Variants in SLC25A12 observed in about 807,000 individuals in gnomAD.
SLC25A12 encodes electrogenic aspartate/glutamate antiporter SLC25A12, mitochondrial.
Under a neutral mutation model 83.3 loss-of-function variants are expected in SLC25A12, and 32 were observed. The observed-to-expected ratio is 0.38, with a 90% confidence interval of 0.29 to 0.52. The LOEUF is 0.52. Among genes scored for constraint, SLC25A12 ranks in the 20% least tolerant of loss-of-function variants. The probability of loss-of-function intolerance (pLI) is 0.84; values close to 1 mark genes in which losing one functional copy is unlikely to be tolerated. For synonymous variants in SLC25A12, 267 were observed against 291.1 expected (o/e 0.92, Z 0.84); for missense variants, 611 against 835.6 (o/e 0.73, Z 3.31).
intron 12 of SLC25A12, 88 bp downstream of exon 12, chr2:171,810,136 T>A: frequency 8.9e-7 from 1 of 1,118,142 alleles, no homozygotes; most frequent in Non-Finnish European, 1.4e-6. Flanking sequence ...ATTATAGGCA[T>A]GAGCTACCAC....
intron 13 of SLC25A12, among the ~76,000 whole-genome samples, chr2:171,797,846 T>G (rs1036093801): frequency 2.0e-5 from 3 of 152,202 alleles, no homozygotes; most frequent in Non-Finnish European, 4.4e-5. Flanking sequence ...ATTGCTAAAT[T>G]TGGCATCTTG....
intron 17 of SLC25A12, among the ~76,000 whole-genome samples, chr2:171,786,403 A>AAG (rs1198385556): frequency 0.013 from 1,903 of 146,246 alleles, 40 homozygotes; most frequent in African/African-American, 0.041. Context: ...AAAAAAAAAA[A>AAG]AGAGAGAGAG....
intron 2 of SLC25A12, among the ~76,000 whole-genome samples, chr2:171,885,363 G>C (rs1374653348): frequency 1.3e-5 from 2 of 150,234 alleles, no homozygotes; most frequent in African/African-American, 4.9e-5. Flanking sequence ...ACTCTATATA[G>C]TTTATGTTAA....
intron 14 of SLC25A12, among the ~76,000 whole-genome samples, chr2:171,792,386 C>G (rs1253974157): frequency 6.6e-6 from 1 of 151,488 alleles, no homozygotes; most frequent in Admixed American, 6.6e-5. Flanking sequence ...CGTCTGAGCT[C>G]AAGTGATCCT....
In SLC25A12 at chr2:171,784,443, C is replaced by A. The variant is rs1463560407; in HGVS notation, c.*831G>T. The A allele has an allele frequency of 6.6e-6, 1 of 152,258 alleles. No individual in the cohort carries two copies. Among genetic ancestry groups the A allele is most frequent in the Non-Finnish European group, 1.5e-5 (1 of 68,048 alleles). The allele number at this position is 152,258 out of a possible 1,614,324, so 9.4% of individuals were successfully genotyped here. On this transcript the variant is annotated 3_prime_UTR_variant, in exon 18 of 18. Coordinates refer to ENST00000422440, the MANE Select transcript of SLC25A12 (RefSeq NM_003705.5). ...AGGGAAATTGTGAAAGTATCCTTTA[C>A]TCTTTTGAAAGCTTGGCCTTTGCCT...
chr2:171,858,495 T>C (rs1685089010), intron 3 of SLC25A12, among the ~76,000 whole-genome samples: 1 of 152,238 alleles, frequency 6.6e-6, no homozygotes, highest in African/African-American at 2.4e-5. Flanking sequence ...TCATGCTCAG[T>C]AGTAAAACCT....
intron 13 of SLC25A12, among the ~76,000 whole-genome samples, chr2:171,801,952 CAGAA>C: frequency 7.2e-6 from 1 of 138,888 alleles, no homozygotes; most frequent in South Asian, 2.3e-4. Context: ...TGTGTGTGTA[CAGAA>C]AGACAGAAAT....
At chr2:171,886,392 C>G (rs1175364537) in intron 2 of SLC25A12, among the ~76,000 whole-genome samples, 1 of 151,360 alleles carries the variant, frequency 6.6e-6, no homozygotes, top group East Asian at 1.9e-4. Context: ...CCACCACACC[C>G]AGCTAGGTTT....
At chr2:171,877,779 T>C (rs1319853267) in intron 2 of SLC25A12, among the ~76,000 whole-genome samples, 1 of 151,984 alleles carries the variant, frequency 6.6e-6, no homozygotes, top group East Asian at 1.9e-4. Flanking sequence ...AAAGGTTAAC[T>C]TAAAATTCAA....
Position 171,791,543 on chromosome 2 carries a change from T to C in SLC25A12, c.1493A>G (p.Tyr498Cys). 1.2e-6 allele frequency: 2 copies of C among 1,613,554 alleles called. No homozygotes were observed. The highest frequency in any genetic ancestry group is 1.7e-6 in the Non-Finnish European group (2 of 1,179,616). The stretch of plus-strand genomic sequence containing the variant: ...TTTGCAATGAGCATAAACAGGAAAA[T>C]AGATTGCAGAGAAGGGAATGTCTCG... ...FLRDIPFSAI[Y>C]FPVYAHCKLL... is the part of the protein sequence containing the mutation. The change falls in exon 15 of 18, where the codon TAT becomes TGT. Residue 498 changes from tyrosine to cysteine, a missense_variant. Tyr to Cys is a radical substitution (Grantham distance 194, BLOSUM62 -2). This residue lies in a region of SLC25A12 where 540 missense variants were observed against 777.5 expected (regional missense o/e 0.69). Transcript: ENST00000422440.
chr2:171,890,625 A>C (rs908965471), intron 2 of SLC25A12, among the ~76,000 whole-genome samples: 2 of 152,080 alleles, frequency 1.3e-5, no homozygotes, highest in African/African-American at 4.8e-5. Context: ...GGGACCACAG[A>C]TGGATGCCAC....
intron 5 of SLC25A12, among the ~76,000 whole-genome samples, chr2:171,842,463 G>A (rs185691937): frequency 7.9e-5 from 12 of 152,030 alleles, no homozygotes; most frequent in East Asian, 1.9e-4. Context: ...GCATAGTGGC[G>A]CACACCTGTA....
chr2:171,831,024 C>G (rs1684419770), intron 8 of SLC25A12, among the ~76,000 whole-genome samples: 1 of 152,266 alleles, frequency 6.6e-6, no homozygotes, highest in South Asian at 2.1e-4. Flanking sequence ...AGCTACCACA[C>G]AAGTGCATCA....
At position 171,787,669 on chromosome 2, in the gene SLC25A12, A is replaced by G; in HGVS notation, c.1745-8T>C. The stretch of plus-strand genomic sequence containing the variant: ...AGGATCGAAACACTCGAGCTGAAAA[A>G]GAGAAGCAGGGGCAGGGGAGACTTG... On this transcript the variant is annotated splice_region_variant and splice_polypyrimidine_tract_variant and intron_variant, in intron 16 of 17. Coordinates refer to ENST00000422440, the MANE Select transcript of SLC25A12 (RefSeq NM_003705.5). The G allele has an allele frequency of 3.7e-6, 6 of 1,613,754 alleles. No individual in the cohort carries two copies. The highest frequency in any genetic ancestry group is 5.1e-6 in the Non-Finnish European group (6 of 1,179,614).
chr2:171,818,648 T>C (rs1352886196), intron 9 of SLC25A12, among the ~76,000 whole-genome samples: 1 of 151,850 alleles, frequency 6.6e-6, no homozygotes, highest in East Asian at 1.9e-4. Flanking sequence ...AGTACATGCC[T>C]GTGGTCCCAG....
intron 8 of SLC25A12, among the ~76,000 whole-genome samples, chr2:171,833,317 T>C (rs553639468): frequency 6.6e-6 from 1 of 152,250 alleles, no homozygotes; most frequent in East Asian, 1.9e-4. Flanking sequence ...TTTATGAAGA[T>C]CACGTCTCTC....
chr2:171,793,900 G>A (rs1005386628), intron 13 of SLC25A12, 133 bp from the exon 14 acceptor site: 7 of 1,026,220 alleles, frequency 6.8e-6, no homozygotes, highest in South Asian at 1.3e-5. Flanking sequence ...TTCCTCAGGG[G>A]GGAATGACAG....
intron 9 of SLC25A12, among the ~76,000 whole-genome samples, chr2:171,820,975 T>G (rs1684176063): frequency 6.6e-6 from 1 of 150,996 alleles, no homozygotes; most frequent in Non-Finnish European, 1.5e-5. Context: ...GTATTTAGAT[T>G]CCAATATTTT....
At chr2:171,889,547 A>G (rs548782190) in intron 2 of SLC25A12, among the ~76,000 whole-genome samples, 1 of 152,190 alleles carries the variant, frequency 6.6e-6, no homozygotes, top group Non-Finnish European at 1.5e-5. Flanking sequence ...CACCACTTCA[A>G]TTTGCCTACT....
Sources: allele counts gnomAD v4.1 joint callset (sites outside exome capture counted in the v4.1 genomes callset), GRCh38; gene constraint gnomAD v4.1.1; regional missense constraint gnomAD v4.1.1; transcripts MANE v1.5; gene names NCBI Gene and HGNC (gene_info 2026-07-23, HGNC 2026-07-21).